The following CA6 variants were observed in gnomAD, a reference collection of about 807,000 sequenced individuals.
CA6 encodes the protein carbonic anhydrase 6.
A neutral mutation model predicts 35.9 loss-of-function variants in CA6; 28 were observed. That is an observed-to-expected ratio of 0.78 (90% CI 0.58 to 1.07). The LOEUF (loss-of-function observed/expected upper bound fraction) is 1.07, where lower values mean the gene tolerates loss of function less well. CA6 is among the 50% of genes least tolerant of loss of function. CA6 has a pLI of 0.00. For missense variants in CA6, 377 were observed against 382.0 expected (o/e 0.99, Z 0.11); for synonymous variants, 148 against 152.6 (o/e 0.97, Z 0.22).
In CA6 at chr1:8,945,893, G is replaced by C. The variant is rs1639349007; in HGVS notation, c.7G>C (p.Ala3Pro). The C allele has an allele frequency of 6.2e-7, 1 of 1,609,170 alleles. No individual in the cohort carries two copies. The highest frequency in any genetic ancestry group is 8.5e-7 in the Non-Finnish European group (1 of 1,175,646). ...ATTACAGATGTGCAGCACCATGAGGGCCCTGGTGCTTCTGCTGTCCCTGTT... is the reference window on the plus strand; with the variant it reads ...ATTACAGATGTGCAGCACCATGAGGCCCCTGGTGCTTCTGCTGTCCCTGTT... Reference protein sequence around the residue: MRALVLLLSLFLL... With the variant: MRPLVLLLSLFLL... Residue 3 changes from alanine to proline, a missense_variant, in exon 1 of 8, where the codon GCC becomes CCC. Transcript: ENST00000377443.
In CA6 at chr1:8,974,401, C is replaced by A. The variant is rs1461311237; in HGVS notation, c.845-221C>A. 4 of 1,541,706 alleles carry A rather than the reference C, an allele frequency of 2.6e-6. No homozygotes were observed. The Admixed American group carries it at 7.9e-5, about 30-fold the overall frequency. ...AGCCAAAATCCAAGAGTACAGCCCA[C>A]CTCAACACGCCACCCCTTGGCTCTG... is the stretch of plus-strand genomic sequence containing the variant. On this transcript the variant is annotated intron_variant, in intron 7 of 7. Coordinates refer to ENST00000377443, the MANE Select transcript of CA6 (RefSeq NM_001215.4).
At chr1:8,966,053 A>T (rs1021395447) in intron 5 of CA6, among the ~76,000 whole-genome samples, 7 of 152,040 alleles carry the variant, frequency 4.6e-5, no homozygotes, top group Admixed American at 2.0e-4. Flanking sequence ...CCCTGCTTTC[A>T]TTTCTTTTGG....
At chr1:8,972,597 G>A (rs984041491) in intron 7 of CA6, among the ~76,000 whole-genome samples, 8 of 152,020 alleles carry the variant, frequency 5.3e-5, no homozygotes, top group African/African-American at 1.9e-4. Flanking sequence ...TGAGTAGCTG[G>A]GCATGAACCC....
At position 8,967,699 on chromosome 1, in the gene CA6, G is replaced by A. The variant is rs568078515; in HGVS notation, c.612G>A (p.Met204Ile). The A allele has an allele frequency of 2.5e-6, 4 of 1,614,110 alleles. No homozygotes were observed. In the South Asian group the frequency reaches 4.4e-5, roughly 18 times the overall value. The change falls in exon 6 of 8, where the codon ATG (methionine) becomes ATA (isoleucine). Residue 204 changes from methionine to isoleucine, a missense_variant. Physicochemically the swap from Met to Ile is conservative, Grantham distance 10 (BLOSUM62 1). Transcript: ENST00000377443. Reference protein sequence around the residue: ...TTLTGLDVQDMLPRNLQHYYT... With the variant: ...TTLTGLDVQDILPRNLQHYYT... ...TGACTGGCCTTGACGTTCAGGACAT[G>A]CTGCCCAGGAACCTCCAGCACTACT... is the stretch of plus-strand genomic sequence containing the variant.
chr1:8,950,024 G>A (rs111475776), intron 2 of CA6, among the ~76,000 whole-genome samples: 2,478 of 152,190 alleles, frequency 0.016, 36 homozygotes, highest in African/African-American at 0.03. Context: ...CTGTTGCCCA[G>A]GCTGGAGTGC....
chr1:8,954,935 T>A (rs1249441261), intron 2 of CA6, among the ~76,000 whole-genome samples: 1 of 152,188 alleles, frequency 6.6e-6, no homozygotes, highest in Non-Finnish European at 1.5e-5. Flanking sequence ...AAATTCAAAT[T>A]GAAACACAGG....
intron 5 of CA6, among the ~76,000 whole-genome samples, chr1:8,967,398 C>T (rs151018084): frequency 5.8e-4 from 88 of 152,296 alleles, no homozygotes; most frequent in Admixed American, 1.3e-3. Context: ...TCCCTTTCTA[C>T]AGATGAGAAA....
Position 8,949,415 on chromosome 1 carries a change from T to C in CA6, c.232T>C (p.Phe78Leu). 2 of 1,611,956 alleles carry C rather than the reference T, an allele frequency of 1.2e-6. No homozygotes were observed. The highest frequency in any genetic ancestry group is 2.2e-5 in the East Asian group (1 of 44,730). The change falls in exon 2 of 8, where the codon TTC (phenylalanine) becomes CTC (leucine). Residue 78 changes from phenylalanine to leucine, a missense_variant. Transcript: ENST00000377443. Reference protein sequence around the residue: ...MTGYETQAGEFPMVNNGHTVQ... With the variant: ...MTGYETQAGELPMVNNGHTVQ... ...AGGCTATGAGACCCAGGCAGGGGAG[T>C]TCCCCATGGTCAACAATGGCCACAC...
At chr1:8,957,723 G>A (rs1418411086) in intron 3 of CA6, among the ~76,000 whole-genome samples, 2 of 150,956 alleles carry the variant, frequency 1.3e-5, no homozygotes, top group Non-Finnish European at 2.9e-5. Context: ...CCAAGGCAGG[G>A]GAATTGCTTG....
chr1:8,973,725 TTTCTTTCTTTC>T (rs1557635487), intron 7 of CA6, among the ~76,000 whole-genome samples: 2 of 15,504 alleles, frequency 1.3e-4, no homozygotes, highest in Admixed American at 7.7e-4. Flanking sequence ...TCTTTCTTTC[TTTCTTTCTTTC>T]TTTCTTTCTT....
At chr1:8,947,987 G>A (rs1001369006) in intron 1 of CA6, among the ~76,000 whole-genome samples, 1 of 151,904 alleles carries the variant, frequency 6.6e-6, no homozygotes, top group Non-Finnish European at 1.5e-5. Flanking sequence ...TGGGATTAAC[G>A]GCATGTGCCA....
intron 4 of CA6, among the ~76,000 whole-genome samples, chr1:8,959,265 C>T (rs2124164836): frequency 6.6e-6 from 1 of 151,284 alleles, no homozygotes; most frequent in South Asian, 2.1e-4. Flanking sequence ...GTTCGAAGGG[C>T]AAGGGGAAAC....
At chr1:8,971,039 C>T in intron 7 of CA6, 58 bp downstream of exon 7, 1 of 1,123,478 alleles carries the variant, frequency 8.9e-7, no homozygotes, top group Admixed American at 1.7e-5. Context: ...TTGCTCCTTC[C>T]TCTAGGTGGA....
intron 7 of CA6, among the ~76,000 whole-genome samples, chr1:8,973,704 T>TTCTC (rs200899616): frequency 1.4e-4 from 18 of 126,890 alleles, no homozygotes; most frequent in African/African-American, 3.7e-4. Context: ...GGATTTTTCT[T>TTCTC]TCTCTCTCTT....
In CA6 at chr1:8,967,734, A is replaced by C. The variant is rs145707079; in HGVS notation, c.647A>C (p.His216Pro). Residue 216 changes from histidine (H) to proline (P), a missense_variant, in exon 6 of 8, where the codon CAT becomes CCT. Physicochemically the swap from His to Pro is moderately conservative, Grantham distance 77. Transcript: ENST00000377443. ...AACCTCCAGCACTACTACACCTACCATGGCTCACTCACCACGCCTCCCTGC... is the reference window on the plus strand; with the variant it reads ...AACCTCCAGCACTACTACACCTACCCTGGCTCACTCACCACGCCTCCCTGC... ...PRNLQHYYTY[H>P]GSLTTPPCTE... is the part of the protein sequence containing the mutation. 3 of 1,613,852 alleles carry C rather than the reference A, an allele frequency of 1.9e-6. No individual in the cohort carries two copies. The highest frequency in any genetic ancestry group is 1.7e-6 in the Non-Finnish European group (2 of 1,179,926).
intron 3 of CA6, 134 bp from the exon 4 acceptor site, chr1:8,958,776 G>A: frequency 3.6e-6 from 2 of 554,378 alleles, no homozygotes; most frequent in Non-Finnish European, 6.5e-6. Flanking sequence ...GAGAGATGGA[G>A]GTCCAAGTTG....
At chr1:8,960,852 A>G (rs1052972086) in intron 4 of CA6, among the ~76,000 whole-genome samples, 1 of 151,966 alleles carries the variant, frequency 6.6e-6, no homozygotes, top group East Asian at 1.9e-4. Flanking sequence ...AACATGAAAC[A>G]AAACAAAACA....
At chr1:8,957,093 C>A (rs374371097) in intron 2 of CA6, 44 bp from the exon 3 acceptor site, 2 of 1,535,550 alleles carry the variant, frequency 1.3e-6, no homozygotes. Context: ...CCTGACCCCT[C>A]TGTGTTCACC....
chr1:8,962,488 G>T (rs1274856544), intron 4 of CA6, 99 bp from the exon 5 acceptor site: 2 of 992,872 alleles, frequency 2.0e-6, no homozygotes, highest in African/African-American at 1.6e-5. Flanking sequence ...TACTCTCTAG[G>T]CTCGGCCCAA....
Sources: gnomAD v4.1 joint callset for allele counts (sites outside exome capture counted in the v4.1 genomes callset) on GRCh38, gnomAD v4.1.1 for gene constraint, MANE v1.5 for transcripts, NCBI Gene and HGNC (gene_info 2026-07-23, HGNC 2026-07-21) for gene names.